Variants in LRCH3 observed in about 807,000 individuals in gnomAD.
The protein encoded by LRCH3 is leucine rich repeats and calponin homology domain containing 3.
A neutral mutation model predicts 104.5 loss-of-function variants in LRCH3; 68 were observed. The observed-to-expected ratio is 0.65, with a 90% CI of 0.54 to 0.80. LRCH3 has a LOEUF of 0.80. Among genes scored for constraint, LRCH3 ranks in the 30% least tolerant of loss-of-function variants. The pLI, the probability that LRCH3 is intolerant of heterozygous loss-of-function variation, is 0.00. For synonymous variants in LRCH3, 344 were observed against 361.3 expected (o/e 0.95, Z 0.54); for missense variants, 951 against 953.9 (o/e 1.00, Z 0.04).
chr3:197,845,965 A>G (rs572779259), intron 10 of LRCH3, among the ~76,000 whole-genome samples: 1 of 152,356 alleles, frequency 6.6e-6, no homozygotes, highest in East Asian at 1.9e-4. Context: ...GTTAGGGCAC[A>G]TAAACACACT....
chr3:197,879,953 T>TG (rs1466189329), intron 20 of LRCH3, among the ~76,000 whole-genome samples: 5 of 141,028 alleles, frequency 3.5e-5, no homozygotes, highest in African/African-American at 1.2e-4. Flanking sequence ...TTGTATTTTT[T>TG]TTTTTTTTTT....
intron 5 of LRCH3, among the ~76,000 whole-genome samples, chr3:197,828,453 C>T (rs543436009): frequency 2.2e-4 from 34 of 151,890 alleles, no homozygotes; most frequent in South Asian, 1.0e-3. Context: ...TCACACTATT[C>T]TTCTGCCTCA....
intron 1 of LRCH3, among the ~76,000 whole-genome samples, chr3:197,811,953 C>T (rs936013009): frequency 3.3e-5 from 5 of 152,286 alleles, no homozygotes; most frequent in East Asian, 1.9e-4. Context: ...TTTTAAGGTA[C>T]ATGTCACTAA....
At chr3:197,844,810 G>A (rs1045842596) in intron 10 of LRCH3, among the ~76,000 whole-genome samples, 5 of 151,508 alleles carry the variant, frequency 3.3e-5, no homozygotes, top group African/African-American at 7.3e-5. Context: ...TAGTAGAGAC[G>A]GAGTTTCACC....
intron 20 of LRCH3, among the ~76,000 whole-genome samples, chr3:197,880,112 A>G (rs1268709552): frequency 6.7e-6 from 1 of 150,276 alleles, no homozygotes; most frequent in Admixed American, 6.6e-5. Flanking sequence ...CGCCCGGCTA[A>G]TTTTTTGTAT....
intron 2 of LRCH3, among the ~76,000 whole-genome samples, chr3:197,816,860 A>G (rs574161767): frequency 4.6e-5 from 7 of 152,210 alleles, no homozygotes; most frequent in Non-Finnish European, 8.8e-5. Context: ...ACTTTAATAA[A>G]ATAATACTAT....
intron 8 of LRCH3, among the ~76,000 whole-genome samples, chr3:197,834,981 T>C (rs1736526066): frequency 6.6e-6 from 1 of 151,912 alleles, no homozygotes; most frequent in African/African-American, 2.4e-5. Flanking sequence ...CCGTCTCTAC[T>C]AAAAATACAA....
At chr3:197,869,067 G>A (rs1449991264) in intron 17 of LRCH3, among the ~76,000 whole-genome samples, 1 of 152,208 alleles carries the variant, frequency 6.6e-6, no homozygotes, top group Non-Finnish European at 1.5e-5. Flanking sequence ...ATTCTCTGTT[G>A]TGTATATTTG....
At chr3:197,801,048 TCACAC>T (rs1012521164) in intron 1 of LRCH3, among the ~76,000 whole-genome samples, 4 of 146,424 alleles carry the variant, frequency 2.7e-5, no homozygotes, top group African/African-American at 1.0e-4. Flanking sequence ...TGAGCTGAGA[TCACAC>T]CACAGCACTC....
At chr3:197,855,331 A>G (rs1310884948) in intron 14 of LRCH3, among the ~76,000 whole-genome samples, 1 of 152,232 alleles carries the variant, frequency 6.6e-6, no homozygotes, top group Admixed American at 6.5e-5. Flanking sequence ...ATCACACTCT[A>G]GAGTTTTAGT....
At chr3:197,880,391 T>C in intron 20 of LRCH3, 1 of 752,576 alleles carries the variant, frequency 1.3e-6, no homozygotes, top group South Asian at 1.8e-5. Context: ...TGTAAAAATG[T>C]TACAGGATGT....
At chr3:197,834,678 C>T (rs779084928) in intron 8 of LRCH3, among the ~76,000 whole-genome samples, 9 of 152,304 alleles carry the variant, frequency 5.9e-5, no homozygotes, top group Non-Finnish European at 8.8e-5. Context: ...AATTGGTCTT[C>T]GCTCTTTGTC....
chr3:197,850,163 C>A (rs543495121), intron 12 of LRCH3, among the ~76,000 whole-genome samples: 2 of 152,154 alleles, frequency 1.3e-5, no homozygotes, highest in East Asian at 3.9e-4. Flanking sequence ...AAAATAATGG[C>A]ACTTGCAGGA....
chr3:197,825,464 A>ATTTTTTTTTTTTTTTTTTTTTTTT lies in LRCH3; in HGVS notation c.641-1404_641-1381dup, dbSNP rs58237989. Among the ~76,000 whole-genome samples the ATTTTTTTTTTTTTTTTTTTTTTTT allele has an allele frequency of 1.0e-4, 2 of 20,068 alleles. 1 individual carries two copies. 13.2% of individuals were successfully genotyped at this position (20,068 alleles called of 152,430 possible). A position where few individuals can be genotyped will look rare whatever the true frequency, so the allele number is the denominator to read the frequency against. On this transcript the variant is annotated intron_variant, in intron 4 of 20. Coordinates refer to ENST00000425562, the MANE Select transcript of LRCH3 (RefSeq NM_001365715.1). ...TAGACCTCTTTGTTGATCCTCTTTG[A>ATTTTTTTTTTTTTTTTTTTTTTTT]TTTTTTTTTTTTTTTTTTTTTTTTT... is the stretch of plus-strand genomic sequence containing the variant.
intron 1 of LRCH3, among the ~76,000 whole-genome samples, chr3:197,794,995 T>C (rs1489637395): frequency 2.0e-5 from 3 of 150,688 alleles, no homozygotes; most frequent in Admixed American, 1.3e-4. Context: ...ACAGAGTAAG[T>C]GCTGTCTTAA....
At chr3:197,871,703 A>G in intron 19 of LRCH3, 1 of 373,224 alleles carries the variant, frequency 2.7e-6, no homozygotes, top group Non-Finnish European at 4.7e-6. Context: ...AAAAGGGGCC[A>G]CTTAACTCCA....
chr3:197,826,930 C>A lies in LRCH3; in HGVS notation c.693C>A (p.Thr231=), dbSNP rs754049307. 1 of 1,613,926 alleles carries A rather than the reference C, an allele frequency of 6.2e-7. No homozygotes were observed. The highest frequency in any genetic ancestry group is 1.1e-5 in the South Asian group (1 of 91,064). ...TAGACTTCTCATGCAATAAAATTAC[C>A]ACAATCCCTGTTTGTTATCGGAACC... ...IRLDFSCNKI[T]TIPVCYRNLR... Residue 231 remains threonine (T), a synonymous_variant, in exon 5 of 21, where the codon ACC becomes ACA. Transcript: ENST00000425562.
chr3:197,852,697 A>G (rs1739773046), intron 13 of LRCH3, 77 bp downstream of exon 13: 1 of 1,418,320 alleles, frequency 7.1e-7, no homozygotes, highest in Non-Finnish European at 1.0e-6. Flanking sequence ...TGTAATTGTC[A>G]TGTTTTCAGT....
At chr3:197,839,500 G>A in intron 10 of LRCH3, 103 bp downstream of exon 10, 1 of 650,688 alleles carries the variant, frequency 1.5e-6, no homozygotes, top group South Asian at 2.2e-5. Flanking sequence ...ATGTTTACAT[G>A]GCATGTATTT....
Sources: gnomAD v4.1 joint callset for allele counts (sites outside exome capture counted in the v4.1 genomes callset) on GRCh38, gnomAD v4.1.1 for gene constraint, MANE v1.5 for transcripts, NCBI Gene and HGNC (gene_info 2026-07-23, HGNC 2026-07-21) for gene names.